The following TGFBI variants were observed in gnomAD, a reference collection of about 807,000 sequenced individuals.
TGFBI encodes transforming growth factor-beta-induced protein ig-h3.
Under a neutral mutation model 73.7 loss-of-function variants are expected in TGFBI, and 50 were observed. That is an observed-to-expected ratio of 0.68 (90% CI 0.54 to 0.86). The LOEUF (loss-of-function observed/expected upper bound fraction) is 0.86, where lower values mean the gene tolerates loss of function less well. Ranked by LOEUF, TGFBI falls within the 40% of genes least tolerant of loss-of-function variation. The pLI, the probability that TGFBI is intolerant of heterozygous loss-of-function variation, is 0.00. For synonymous variants in TGFBI, 362 were observed against 360.5 expected (o/e 1.00, Z -0.05); for missense variants, 839 against 877.0 (o/e 0.96, Z 0.55).
chr5:136,053,299 C>T (rs573353001), intron 8 of TGFBI, among the ~76,000 whole-genome samples, 180 bp downstream of exon 8: 59 of 152,376 alleles, frequency 3.9e-4, no homozygotes, highest in African/African-American at 1.3e-3. Context: ...TCTTGAGCTT[C>T]AGGCTTGCAA....
At chr5:136,059,373 G>T (rs1410729071) in intron 13 of TGFBI, among the ~76,000 whole-genome samples, 159 bp downstream of exon 13, 1 of 152,218 alleles carries the variant, frequency 6.6e-6, no homozygotes, top group East Asian at 1.9e-4. Context: ...AGAGAAGAGG[G>T]TCTTCAGGGA....
intron 2 of TGFBI, among the ~76,000 whole-genome samples, chr5:136,036,394 T>C (rs1451286426): frequency 1.3e-5 from 2 of 151,792 alleles, no homozygotes; most frequent in Non-Finnish European, 2.9e-5. Flanking sequence ...AAAAATATTA[T>C]TTGATATAAA....
At chr5:136,062,591 C>A in intron 15 of TGFBI, 72 bp from the exon 16 acceptor site, 1 of 1,487,718 alleles carries the variant, frequency 6.7e-7, no homozygotes, top group South Asian at 1.2e-5. Context: ...TGGCAATGGG[C>A]AAAGCCATTG....
intron 14 of TGFBI, chr5:136,061,152 T>C (rs933470050): frequency 1.7e-5 from 10 of 589,158 alleles, no homozygotes; most frequent in Non-Finnish European, 2.7e-5. Context: ...TTTGCGGAGT[T>C]GCCCAGCTAT....
At chr5:136,056,858 C>A (rs951030438) in intron 12 of TGFBI, 63 bp downstream of exon 12, 2 of 1,530,710 alleles carry the variant, frequency 1.3e-6, no homozygotes, top group African/African-American at 2.8e-5. Context: ...AGGGCCCCAG[C>A]AGCAAACAGT....
chr5:136,038,238 G>T (rs977688517), intron 2 of TGFBI, among the ~76,000 whole-genome samples: 6 of 152,220 alleles, frequency 3.9e-5, no homozygotes, highest in Non-Finnish European at 2.9e-5. Context: ...GCCACCTGGG[G>T]TAAGACCCTG....
At chr5:136,037,556 C>T (rs1382077303) in intron 2 of TGFBI, among the ~76,000 whole-genome samples, 2 of 152,148 alleles carry the variant, frequency 1.3e-5, no homozygotes, top group African/African-American at 4.8e-5. Flanking sequence ...GGAGCTCAGA[C>T]ATCATAAACG....
At chr5:136,050,710 T>C (rs1438856770) in intron 7 of TGFBI, among the ~76,000 whole-genome samples, 1 of 152,248 alleles carries the variant, frequency 6.6e-6, no homozygotes, top group Admixed American at 6.5e-5. Context: ...GTCAATGTGC[T>C]ATATAAAATG....
chr5:136,041,084 G>C (rs984870045), intron 2 of TGFBI, among the ~76,000 whole-genome samples: 2 of 152,244 alleles, frequency 1.3e-5, no homozygotes, highest in African/African-American at 2.4e-5. Flanking sequence ...GAGTTAATTT[G>C]TTGGGGCAGT....
intron 1 of TGFBI, among the ~76,000 whole-genome samples, chr5:136,032,209 T>C (rs982131370): frequency 5.9e-5 from 9 of 152,184 alleles, no homozygotes; most frequent in African/African-American, 2.2e-4. Context: ...TAGGGAGGCA[T>C]GGGCCTCTGC....
intron 1 of TGFBI, among the ~76,000 whole-genome samples, chr5:136,030,333 C>T (rs1199061408): frequency 1.3e-5 from 2 of 152,170 alleles, no homozygotes; most frequent in Non-Finnish European, 2.9e-5. Context: ...TGGCTCCTTG[C>T]ACTAGGAGTG....
intron 16 of TGFBI, 98 bp from the exon 17 acceptor site, chr5:136,063,088 G>A: frequency 9.1e-7 from 1 of 1,096,614 alleles, no homozygotes; most frequent in Non-Finnish European, 1.4e-6. Flanking sequence ...CATGGCAGAA[G>A]GAGGCTGCTT....
Position 136,059,227 on chromosome 5 carries a change from C to A in TGFBI, c.1803+13C>A. 6.2e-7 allele frequency: 1 copy of A among 1,607,796 alleles called. No homozygotes were observed. Among genetic ancestry groups the A allele is most frequent in the East Asian group, 2.2e-5 (1 of 44,796 alleles). On this transcript the variant is annotated intron_variant, in intron 13 of 16. Transcript: ENST00000442011. The stretch of plus-strand genomic sequence containing the variant: ...GGAAGTCAGCTTGGTAAGTGTCCTG[C>A]AAATCAAAGGCTGGCTAAATTTCCC...
At position 136,054,807 on chromosome 5, in the gene TGFBI, A is replaced by G; in HGVS notation, c.1356A>G (p.Gly452=). The change falls in exon 10 of 17, where the codon GGA becomes GGG. Residue 452 remains glycine, a synonymous_variant. Transcript: ENST00000442011. The part of the protein sequence containing the change: ...DQLASKYLYH[G]QTLETLGGKK... ...TGGCCTCTAAGTATCTGTACCATGG[A>G]CAGACCCTGGAAACTCTGGGCGGCA... 1 of 1,613,972 alleles carries G rather than the reference A, an allele frequency of 6.2e-7. No individual in the cohort carries two copies. The highest frequency in any genetic ancestry group is 1.3e-5 in the African/African-American group (1 of 75,040).
chr5:136,042,980 T>C (rs1016218489), intron 2 of TGFBI, among the ~76,000 whole-genome samples: 7 of 152,206 alleles, frequency 4.6e-5, no homozygotes, highest in Non-Finnish European at 1.0e-4. Context: ...GGTGATGTCA[T>C]TAAACGCCCT....
rs1420488313 is a variant in TGFBI at position 136,046,911 on chromosome 5, C to G, written c.520C>G (p.His174Asp). 9.9e-6 allele frequency: 16 copies of G among 1,613,644 alleles called. No homozygotes were observed. In the East Asian group the frequency reaches 3.3e-4, roughly 34 times the overall value. Residue 174 changes from histidine (H) to aspartate (D), a missense_variant, in exon 5 of 17, where the codon CAT becomes GAT. Transcript: ENST00000442011. ...NIELLNALRYHMVGRRVLTDE... is the reference protein window; with the variant it reads ...NIELLNALRYDMVGRRVLTDE... The stretch of plus-strand genomic sequence containing the variant: ...TGAGCTGCTCAATGCCCTCCGCTAC[C>G]ATATGGTGGGCAGGCGAGTCCTGAC...
chr5:136,054,886 C>T (rs774386437), intron 10 of TGFBI, 25 bp downstream of exon 10: 2 of 1,609,790 alleles, frequency 1.2e-6, no homozygotes, highest in Middle Eastern at 1.7e-4. Flanking sequence ...CTAAATCATG[C>T]TCCTGGGAAG....
rs1751733834 is a variant in TGFBI, at chr5:136,060,779, T to TAA, written c.1804-54_1804-53insAA. 3 of 1,313,200 alleles carry TAA rather than the reference T, an allele frequency of 2.3e-6. No individual in the cohort carries two copies. The Admixed American group carries it at 6.8e-5, about 30-fold the overall frequency. 81.3% of individuals were successfully genotyped at this position (1,313,200 alleles called of 1,614,324 possible). A position where few individuals can be genotyped will look rare whatever the true frequency, so the allele number is the denominator to read the frequency against. On this transcript the variant is annotated intron_variant, in intron 13 of 16. Transcript: ENST00000442011. ...ACTTGCTGAATGAATAAAATAAATA[T>TAA]ATAAATGTATAAATAAATGCTCTAC...
At chr5:136,035,872 C>T (rs561273126) in intron 2 of TGFBI, among the ~76,000 whole-genome samples, 5 of 152,052 alleles carry the variant, frequency 3.3e-5, no homozygotes, top group East Asian at 1.9e-4. Context: ...AATGGAGACC[C>T]GTTTATGATG....
Sources: gnomAD v4.1 joint callset for allele counts (sites outside exome capture counted in the v4.1 genomes callset) on GRCh38, gnomAD v4.1.1 for gene constraint, MANE v1.5 for transcripts, NCBI Gene and HGNC (gene_info 2026-07-23, HGNC 2026-07-21) for gene names.